Variants in GALNT13 observed in about 807,000 individuals in gnomAD.
The protein encoded by GALNT13 is polypeptide N-acetylgalactosaminyltransferase 13.
In GALNT13, 28 loss-of-function variants were observed where a neutral mutation model predicts 64.2. That is an observed-to-expected ratio of 0.44 (90% CI 0.32 to 0.60). The LOEUF (loss-of-function observed/expected upper bound fraction) is 0.60. Ranked by LOEUF, GALNT13 falls within the 20% of genes least tolerant of loss-of-function variation. GALNT13 has a pLI of 0.05. For missense variants in GALNT13, 577 were observed against 669.8 expected, an observed-to-expected ratio of 0.86 and a Z score of 1.53; for synonymous variants, 214 against 224.6, an observed-to-expected ratio of 0.95 and a Z score of 0.42.
intron 3 of GALNT13, among the ~76,000 whole-genome samples, chr2:154,095,083 C>T (rs1013467376): frequency 2.0e-5 from 3 of 151,660 alleles, no homozygotes; most frequent in African/African-American, 7.3e-5. Context: ...CTGCTTGATA[C>T]ATAATTGACT....
chr2:153,084,628 G>A, the GALNT13 span, among the ~76,000 whole-genome samples: 1 of 152,070 alleles, frequency 6.6e-6, no homozygotes, highest in Non-Finnish European at 1.5e-5. Flanking sequence ...AGATCTGATG[G>A]CTTTATAAAT....
intron 3 of GALNT13, among the ~76,000 whole-genome samples, chr2:154,093,669 C>CT (rs11463218): frequency 0.53 from 75,610 of 142,202 alleles, 20,647 homozygotes; most frequent in East Asian, 0.75. Flanking sequence ...CACATTATTT[C>CT]TTTTTTTTTT....
chr2:154,174,015 A>G (rs1009729595), intron 4 of GALNT13, among the ~76,000 whole-genome samples: 2 of 152,134 alleles, frequency 1.3e-5, no homozygotes, highest in East Asian at 1.9e-4. Flanking sequence ...AAACCAGCAT[A>G]TGATCCAGCA....
the GALNT13 span, among the ~76,000 whole-genome samples, chr2:153,448,761 G>GTC: frequency 6.6e-6 from 1 of 152,082 alleles, no homozygotes; most frequent in East Asian, 1.9e-4. Context: ...CAGGGACTCA[G>GTC]CCAAAGGCAT....
At chr2:154,191,399 G>T (rs2105756077) in intron 4 of GALNT13, among the ~76,000 whole-genome samples, 1 of 152,210 alleles carries the variant, frequency 6.6e-6, no homozygotes, top group African/African-American at 2.4e-5. Flanking sequence ...AAAGAGCTTG[G>T]AAAGCTGCAC....
the GALNT13 span, among the ~76,000 whole-genome samples, chr2:153,331,689 G>T: frequency 6.6e-6 from 1 of 151,886 alleles, no homozygotes; most frequent in South Asian, 2.1e-4. Flanking sequence ...CCAGATTAAG[G>T]GTGGATCTGC....
chr2:153,660,157 CAGTAG>C, the GALNT13 span, among the ~76,000 whole-genome samples: 7 of 152,022 alleles, frequency 4.6e-5, no homozygotes, highest in Non-Finnish European at 1.0e-4. Context: ...AAAAAGTGAC[CAGTAG>C]GAACTGAAAG....
intron 2 of GALNT13, among the ~76,000 whole-genome samples, chr2:153,940,703 C>T (rs759838174): frequency 6.6e-6 from 1 of 152,148 alleles, no homozygotes; most frequent in Non-Finnish European, 1.5e-5. Flanking sequence ...TTCACAGAAG[C>T]TCCTGCCTAA....
chr2:153,372,835 A>T, the GALNT13 span, among the ~76,000 whole-genome samples: 1 of 152,188 alleles, frequency 6.6e-6, no homozygotes, highest in Admixed American at 6.5e-5. Flanking sequence ...TATTGGCACC[A>T]TCATGCTGGT....
chr2:153,688,991 GGTGT>G, the GALNT13 span, among the ~76,000 whole-genome samples: 3,059 of 130,162 alleles, frequency 0.024, 53 homozygotes, highest in South Asian at 0.035. Context: ...TAGAGGTAGG[GGTGT>G]GTGTGTGTGT....
chr2:153,779,211 C>G, the GALNT13 span, among the ~76,000 whole-genome samples: 2 of 151,916 alleles, frequency 1.3e-5, no homozygotes, highest in East Asian at 1.9e-4. Context: ...TTGTTCTAGA[C>G]GCAAAACATA....
At chr2:153,126,294 TTGTATATA>T in the GALNT13 span, among the ~76,000 whole-genome samples, 171 of 50,930 alleles carry the variant, frequency 3.4e-3, no homozygotes, top group Middle Eastern at 0.019. Flanking sequence ...AGTATTGATT[TTGTATATA>T]TATATATATA....
At chr2:153,412,749 C>A in the GALNT13 span, among the ~76,000 whole-genome samples, 1 of 152,140 alleles carries the variant, frequency 6.6e-6, no homozygotes, top group Non-Finnish European at 1.5e-5. Flanking sequence ...TTCTTGGTTT[C>A]ATTTCCAAAT....
At chr2:153,707,735 T>G in the GALNT13 span, among the ~76,000 whole-genome samples, 9 of 152,134 alleles carry the variant, frequency 5.9e-5, no homozygotes, top group African/African-American at 1.7e-4. Context: ...TGGGGCCAAT[T>G]ACAAATTCAG....
chr2:153,966,435 G>C (rs1269350403), intron 3 of GALNT13, among the ~76,000 whole-genome samples: 1 of 150,290 alleles, frequency 6.7e-6, no homozygotes, highest in Admixed American at 6.6e-5. Flanking sequence ...GCGGGATCTC[G>C]GCTCACTGCA....
chr2:153,688,125 GT>G, the GALNT13 span, among the ~76,000 whole-genome samples: 1 of 151,904 alleles, frequency 6.6e-6, no homozygotes, highest in East Asian at 1.9e-4. Flanking sequence ...TCTACTTCCT[GT>G]TTTTTATAAA....
intron 4 of GALNT13, among the ~76,000 whole-genome samples, chr2:154,192,904 AATT>A (rs1351723774): frequency 1.3e-5 from 2 of 152,354 alleles, no homozygotes; most frequent in African/African-American, 4.8e-5. Context: ...CTGCACTAAT[AATT>A]CTCATTCACA....
chr2:153,450,577 A>ATTT, the GALNT13 span, among the ~76,000 whole-genome samples: 3,046 of 147,062 alleles, frequency 0.021, 93 homozygotes, highest in African/African-American at 0.071. Context: ...CTAGGTTTGA[A>ATTT]TTTTTTTTTT....
chr2:153,863,152 A>T, the GALNT13 span, among the ~76,000 whole-genome samples: 2 of 152,108 alleles, frequency 1.3e-5, no homozygotes, highest in Admixed American at 6.5e-5. Context: ...TCTACTTAAA[A>T]TTTTCTTGTC....
Sources: allele counts gnomAD v4.1 joint callset (sites outside exome capture counted in the v4.1 genomes callset), GRCh38; gene constraint gnomAD v4.1.1; transcripts MANE v1.5; gene names NCBI Gene and HGNC (gene_info 2026-07-23, HGNC 2026-07-21).